XKR9: variants seen among roughly 807,000 people sequenced by gnomAD.
The protein encoded by XKR9 is XK related 9, also known as XK-related protein 9.
XKR9 carries 32 observed loss-of-function variants against 32.0 expected under a neutral mutation model. That is an observed-to-expected ratio of 1.00 (90% CI 0.76 to 1.34). XKR9 has a LOEUF of 1.34. Among genes scored for constraint, XKR9 ranks in the 40% most tolerant of loss-of-function variants. The pLI is 0.00. For missense variants in XKR9, 546 were observed against 429.7 expected (o/e 1.27, Z -2.39); for synonymous variants, 168 against 143.4 (o/e 1.17, Z -1.22).
At chr8:70,695,470 T>A (rs1563428127) in intron 3 of XKR9, among the ~76,000 whole-genome samples, 1 of 151,924 alleles carries the variant, frequency 6.6e-6, no homozygotes, top group African/African-American at 2.4e-5. Context: ...GAATGACGGT[T>A]TCTAGCTTCA....
intron 4 of XKR9, among the ~76,000 whole-genome samples, chr8:70,726,663 G>T (rs777026804): frequency 6.6e-6 from 1 of 152,190 alleles, no homozygotes; most frequent in African/African-American, 2.4e-5. Context: ...AGGTGGAAGT[G>T]GTCCAGTCAA....
intron 3 of XKR9, among the ~76,000 whole-genome samples, chr8:70,685,957 T>G (rs77992102): frequency 0.073 from 10,993 of 151,626 alleles, 469 homozygotes; most frequent in Non-Finnish European, 0.089. Context: ...AAAATAAGTT[T>G]TTGTTTATCT....
At chr8:70,794,055 T>C (rs907040690), downstream of XKR9, among the ~76,000 whole-genome samples, 16 of 152,092 alleles carry the variant, frequency 1.1e-4, no homozygotes, top group Non-Finnish European at 8.8e-5. Flanking sequence ...ATTCTTAGTG[T>C]ACAGTTTTTG....
the XKR9 span, among the ~76,000 whole-genome samples, chr8:71,037,060 G>C: frequency 1.3e-5 from 2 of 152,036 alleles, no homozygotes; most frequent in African/African-American, 4.8e-5. Context: ...AATCAAGGGA[G>C]CACCATGTTT....
At chr8:70,938,402 C>A in the XKR9 span, among the ~76,000 whole-genome samples, 1 of 151,880 alleles carries the variant, frequency 6.6e-6, no homozygotes, top group Non-Finnish European at 1.5e-5. Flanking sequence ...AGGTGGCCAG[C>A]CTCTACAGGG....
At chr8:70,993,601 TCTTCCTTCCTTCCTTC>T in the XKR9 span, among the ~76,000 whole-genome samples, 5,471 of 105,086 alleles carry the variant, frequency 0.052, 418 homozygotes, top group Admixed American at 0.23. Flanking sequence ...TCATAGGACA[TCTTCCTTCCTTCCTTC>T]CTTCCTTCCT....
chr8:70,988,817 T>A, the XKR9 span, among the ~76,000 whole-genome samples: 1 of 152,170 alleles, frequency 6.6e-6, no homozygotes, highest in African/African-American at 2.4e-5. Context: ...TAAACATGAA[T>A]CCCTCCTCAT....
chr8:71,021,547 G>T, the XKR9 span, among the ~76,000 whole-genome samples: 2 of 135,762 alleles, frequency 1.5e-5, no homozygotes, highest in African/African-American at 5.6e-5. Context: ...CTGTCGCCCA[G>T]GCTGGGGTGC....
At chr8:71,037,454 T>C in the XKR9 span, among the ~76,000 whole-genome samples, 3 of 152,214 alleles carry the variant, frequency 2.0e-5, no homozygotes, top group Non-Finnish European at 4.4e-5. Flanking sequence ...GAGGCCCTGA[T>C]AATGGTAAAG....
chr8:70,758,352 A>T (rs1333357029), intron 2 of XKR9, among the ~76,000 whole-genome samples: 1 of 152,174 alleles, frequency 6.6e-6, no homozygotes, highest in East Asian at 1.9e-4. Flanking sequence ...TCTATTGTTT[A>T]TAATAACACC....
intron 2 of XKR9, among the ~76,000 whole-genome samples, chr8:70,782,350 T>C (rs1729033879): frequency 6.6e-6 from 1 of 152,194 alleles, no homozygotes; most frequent in Admixed American, 6.5e-5. Flanking sequence ...TGATGTTAAA[T>C]AATTAAATAG....
chr8:70,993,598 ACATCTTCCTTCCTTC>A, the XKR9 span, among the ~76,000 whole-genome samples: 9,181 of 136,660 alleles, frequency 0.067, 570 homozygotes, highest in Non-Finnish European at 0.091. Flanking sequence ...GTTTCATAGG[ACATCTTCCTTCCTTC>A]CTTCCTTCCT....
chr8:70,908,815 A>T, the XKR9 span, among the ~76,000 whole-genome samples: 1 of 151,956 alleles, frequency 6.6e-6, no homozygotes, highest in Admixed American at 6.6e-5. Flanking sequence ...TGGGCTGTAT[A>T]AAAAAAAGGC....
At chr8:70,700,367 A>G (rs528625728) in intron 3 of XKR9, among the ~76,000 whole-genome samples, 1 of 152,112 alleles carries the variant, frequency 6.6e-6, no homozygotes, top group African/African-American at 2.4e-5. Flanking sequence ...TTTGGTGTGG[A>G]TGTCCTTTCT....
chr8:70,976,677 CT>C, the XKR9 span, among the ~76,000 whole-genome samples: 77 of 152,202 alleles, frequency 5.1e-4, 1 homozygote, highest in African/African-American at 1.8e-3. Flanking sequence ...GTCTAAAATT[CT>C]CTTTTTTTGT....
At chr8:70,956,707 TG>T in the XKR9 span, among the ~76,000 whole-genome samples, 28 of 152,000 alleles carry the variant, frequency 1.8e-4, no homozygotes, top group Non-Finnish European at 3.1e-4. Flanking sequence ...CCAAGTAGGA[TG>T]GGGGCTAGTG....
At chr8:70,707,505 G>C (rs1321623599) in intron 4 of XKR9, among the ~76,000 whole-genome samples, 1 of 151,692 alleles carries the variant, frequency 6.6e-6, no homozygotes, top group African/African-American at 2.4e-5. Flanking sequence ...GTTCATCTTA[G>C]TACAGAAAAA....
the XKR9 span, among the ~76,000 whole-genome samples, chr8:70,992,980 T>G: frequency 6.6e-6 from 1 of 152,240 alleles, no homozygotes; most frequent in African/African-American, 2.4e-5. Flanking sequence ...CTTCCCTTTG[T>G]TCTGGCAGCC....
the XKR9 span, among the ~76,000 whole-genome samples, chr8:70,895,835 A>AAAG: frequency 9.4e-4 from 143 of 151,380 alleles, 1 homozygote; most frequent in Middle Eastern, 6.8e-3. Context: ...AAAAAAAAAA[A>AAAG]AAAGAAAAAA....
Sources: gnomAD v4.1 joint callset for allele counts (sites outside exome capture counted in the v4.1 genomes callset) on GRCh38, gnomAD v4.1.1 for gene constraint, MANE v1.5 for transcripts, NCBI Gene and HGNC (gene_info 2026-07-23, HGNC 2026-07-21) for gene names.